Variants in TCTN3 observed in about 807,000 individuals in gnomAD.
TCTN3 encodes tectonic-3.
Under a neutral mutation model 71.3 loss-of-function variants are expected in TCTN3, and 57 were observed. The ratio of observed to expected loss-of-function variants is 0.80; its 90% CI spans 0.65 to 1.00. The LOEUF (loss-of-function observed/expected upper bound fraction) is 1.00. TCTN3 is among the 50% of genes least tolerant of loss of function. TCTN3 has a pLI of 0.00. For missense variants in TCTN3, 696 were observed against 719.9 expected (o/e 0.97, Z 0.38); for synonymous variants, 258 against 267.8 (o/e 0.96, Z 0.36).
chr10:95,685,669 T>G, intron 7 of TCTN3, 33 bp from the exon 8 acceptor site: 1 of 1,502,160 alleles, frequency 6.7e-7, no homozygotes, highest in Non-Finnish European at 9.1e-7. Context: ...TAACTAAAAC[T>G]GAAGGCGGTA....
rs764281144 is a variant in TCTN3, at chr10:95,682,660, G to A, written c.1443C>T (p.Cys481=). 3 of 1,612,766 alleles carry A rather than the reference G, an allele frequency of 1.9e-6. No individual in the cohort carries two copies. The East Asian group carries it at 6.7e-5, about 36-fold the overall frequency. Residue 481 remains cysteine (C), a synonymous_variant, in exon 12 of 14, where the codon TGC becomes TGT. Transcript: ENST00000371217. ...ATATTTCTCTCCTTACTGAAATGCT[G>A]CAGTGCCTGTTGAGGATCCTGGTCC... is the stretch of plus-strand genomic sequence containing the variant. ...GGWTRILNRH[C]SISAINCTSC...
chr10:95,664,997 C>T (rs1476212517), intron 13 of TCTN3, among the ~76,000 whole-genome samples: 1 of 152,110 alleles, frequency 6.6e-6, no homozygotes, highest in East Asian at 1.9e-4. Flanking sequence ...TCTTCAATCA[C>T]CCTCCTTCAC....
At position 95,686,509 on chromosome 10, in the gene TCTN3, G is replaced by T. The variant is rs776753595; in HGVS notation, c.874C>A (p.Pro292Thr). 1.2e-6 allele frequency: 2 copies of T among 1,614,006 alleles called. No individual in the cohort carries two copies. The highest frequency in any genetic ancestry group is 1.7e-6 in the Non-Finnish European group (2 of 1,179,974). ...CAGCATCATACCTCCATATTCTGTG[G>T]ATCAGTCATGCTTCTTGGAACCTAG... is the stretch of plus-strand genomic sequence containing the variant. ...VLKVPRSMTD[P>T]QNMEFQVPVI... Residue 292 changes from proline to threonine, a missense_variant, in exon 7 of 14, where the codon CCA becomes ACA. Transcript: ENST00000371217.
chr10:95,664,671 A>G (rs1387600188), intron 13 of TCTN3, among the ~76,000 whole-genome samples: 1 of 152,248 alleles, frequency 6.6e-6, no homozygotes, highest in African/African-American at 2.4e-5. Flanking sequence ...AAGTGAAAGT[A>G]GTAGTAGCAA....
At chr10:95,682,992 C>T in intron 11 of TCTN3, 109 bp downstream of exon 11, 1 of 1,284,908 alleles carries the variant, frequency 7.8e-7, no homozygotes, top group South Asian at 1.4e-5. Context: ...AAAGACTATT[C>T]CTGACTAGCA....
At chr10:95,680,367 C>A in intron 13 of TCTN3, 105 bp downstream of exon 13, 2 of 1,378,128 alleles carry the variant, frequency 1.5e-6, no homozygotes, top group Non-Finnish European at 2.0e-6. Flanking sequence ...TGGTTGCTAA[C>A]ATAAATTAGC....
At chr10:95,666,819 A>G (rs2097926170) in intron 13 of TCTN3, among the ~76,000 whole-genome samples, 1 of 152,200 alleles carries the variant, frequency 6.6e-6, no homozygotes. Flanking sequence ...GAATTCCCAA[A>G]GGAGCTGTGG....
At chr10:95,691,815 C>G (rs546406233) in intron 3 of TCTN3, among the ~76,000 whole-genome samples, 65 of 152,332 alleles carry the variant, frequency 4.3e-4, no homozygotes, top group Non-Finnish European at 7.9e-4. Flanking sequence ...TTATTGTACT[C>G]TACAGTTGTA....
chr10:95,682,962 T>C (rs1218949331), intron 11 of TCTN3, 139 bp downstream of exon 11: 14 of 1,218,728 alleles, frequency 1.1e-5, no homozygotes, highest in Admixed American at 2.4e-5. Flanking sequence ...CTCTTAGCAA[T>C]ATCAACACTA....
intron 12 of TCTN3, among the ~76,000 whole-genome samples, chr10:95,681,232 C>T (rs559030464): frequency 6.6e-6 from 1 of 152,090 alleles, no homozygotes; most frequent in Non-Finnish European, 1.5e-5. Context: ...CCCACCACTA[C>T]ACCTGGCTAA....
intron 6 of TCTN3, 47 bp downstream of exon 6, chr10:95,686,997 C>T (rs779178627): frequency 6.7e-7 from 1 of 1,491,912 alleles, no homozygotes; most frequent in South Asian, 1.1e-5. Flanking sequence ...AGCATGTTCA[C>T]TTCAACTTCA....
chr10:95,664,182 A>G lies in TCTN3; in HGVS notation c.1709T>C (p.Phe570Ser). The G allele has an allele frequency of 6.2e-7, 1 of 1,614,226 alleles. No individual in the cohort carries two copies. The highest frequency in any genetic ancestry group is 2.2e-5 in the East Asian group (1 of 44,884). ...PKMDWKWPFD[F>S]FPFKVAFSRG... ...GCTGAATGCCACTTTGAAGGGAAAGAAGTCGAATGGCCATTTCCAGTCCAT... is the reference window on the plus strand; with the variant it reads ...GCTGAATGCCACTTTGAAGGGAAAGGAGTCGAATGGCCATTTCCAGTCCAT... The change falls in exon 14 of 14, where the codon TTC becomes TCC. Residue 570 changes from phenylalanine to serine, a missense_variant. Physicochemically the swap from Phe to Ser is radical, Grantham distance 155. Coordinates refer to ENST00000371217, the MANE Select transcript of TCTN3 (RefSeq NM_015631.6).
chr10:95,664,511 A>G (rs1203962775), intron 13 of TCTN3, among the ~76,000 whole-genome samples: 2 of 152,240 alleles, frequency 1.3e-5, no homozygotes, highest in East Asian at 3.8e-4. Context: ...AGAACTGAAC[A>G]GTTACACCTA....
At chr10:95,688,394 A>C (rs2097950512) in intron 3 of TCTN3, among the ~76,000 whole-genome samples, 1 of 101,974 alleles carries the variant, frequency 9.8e-6, no homozygotes, top group African/African-American at 4.0e-5. Context: ...CTGTCAAAAA[A>C]AAGAAAAAAA....
intron 13 of TCTN3, among the ~76,000 whole-genome samples, chr10:95,674,225 G>A (rs576977232): frequency 1.3e-5 from 2 of 152,230 alleles, no homozygotes; most frequent in South Asian, 4.1e-4. Flanking sequence ...TCTCAGTAAT[G>A]TTTTATAGTG....
Position 95,687,355 on chromosome 10 carries a change from C to T in TCTN3, c.628G>A (p.Ala210Thr). The change falls in exon 5 of 14, where the codon GCT becomes ACT. Residue 210 changes from alanine to threonine, a missense_variant and splice_region_variant. Coordinates refer to ENST00000371217, the MANE Select transcript of TCTN3 (RefSeq NM_015631.6). Reference protein sequence around the residue: ...QTQSPPSFYRAGDPILTYFPK... With the variant: ...QTQSPPSFYRTGDPILTYFPK... ...AAGTAAGTAAGAATGGGGTCCCCAG[C>T]CTGAATAAAATATAAAAGAAACTTT... 6.2e-7 allele frequency: 1 copy of T among 1,602,252 alleles called. No homozygotes were observed. The highest frequency in any genetic ancestry group is 8.5e-7 in the Non-Finnish European group (1 of 1,176,468).
At position 95,693,738 on chromosome 10, in the gene TCTN3, A is replaced by G. The variant is rs1410663654; in HGVS notation, c.162T>C (p.Thr54=). 5 of 1,551,674 alleles carry G rather than the reference A, an allele frequency of 3.2e-6. No individual in the cohort carries two copies. The highest frequency in any genetic ancestry group is 4.4e-6 in the Non-Finnish European group (5 of 1,146,982). ...GTCCAGGCACGGCCGGGCGAGTTGC[A>G]GTCGCCTCTGAAGGGGACTGGAGGG... ...GGTLQSPSEA[T]ATRPAVPGLP... is the part of the protein sequence containing the mutation. The change falls in exon 1 of 14, where the codon ACT becomes ACC. Residue 54 remains threonine (T), a synonymous_variant. Coordinates refer to ENST00000371217, the MANE Select transcript of TCTN3 (RefSeq NM_015631.6).
At chr10:95,681,010 T>C (rs2139732920) in intron 12 of TCTN3, among the ~76,000 whole-genome samples, 1 of 152,056 alleles carries the variant, frequency 6.6e-6, no homozygotes, top group Admixed American at 6.5e-5. Flanking sequence ...ACTCCTGACC[T>C]TGTGATTTGC....
At chr10:95,688,737 T>C (rs948898771) in intron 3 of TCTN3, among the ~76,000 whole-genome samples, 2 of 152,230 alleles carry the variant, frequency 1.3e-5, no homozygotes, top group Admixed American at 1.3e-4. Flanking sequence ...AATTCTCTAA[T>C]TTCTATGATA....
Sources: allele counts gnomAD v4.1 joint callset (sites outside exome capture counted in the v4.1 genomes callset), GRCh38; gene constraint gnomAD v4.1.1; transcripts MANE v1.5; gene names NCBI Gene and HGNC (gene_info 2026-07-23, HGNC 2026-07-21).